RRBP1: variants seen among roughly 807,000 people sequenced by gnomAD.
RRBP1 encodes the protein ribosome binding protein 1.
RRBP1 carries 94 observed loss-of-function variants against 165.2 expected under a neutral mutation model. The observed-to-expected ratio is 0.57, with a 90% confidence interval of 0.48 to 0.68. The LOEUF is 0.68. RRBP1 is among the 30% of genes least tolerant of loss of function. The pLI, the probability that RRBP1 is intolerant of heterozygous loss-of-function variation, is 0.00. For missense variants in RRBP1, 1,676 were observed against 1,763.0 expected, an observed-to-expected ratio of 0.95 and a Z score of 0.88; for synonymous variants, 680 against 714.5, an observed-to-expected ratio of 0.95 and a Z score of 0.77.
intron 6 of RRBP1, 69 bp from the exon 7 acceptor site, chr20:17,635,733 G>T: frequency 8.6e-7 from 1 of 1,163,434 alleles, no homozygotes. Flanking sequence ...TCTGAGCAGT[G>T]GTTAGTGAAG....
chr20:17,622,024 T>C (rs1568755190), intron 13 of RRBP1, 77 bp from the exon 14 acceptor site: 5 of 1,069,524 alleles, frequency 4.7e-6, no homozygotes, highest in African/African-American at 1.5e-5. Flanking sequence ...TTTACTGATA[T>C]GCCCGGGTCT....
intron 13 of RRBP1, among the ~76,000 whole-genome samples, chr20:17,623,703 A>T (rs138965480): frequency 0.013 from 1,912 of 152,302 alleles, 36 homozygotes; most frequent in African/African-American, 0.043. Context: ...AGGCCAAGGC[A>T]GGCAGATCAC....
At chr20:17,668,974 G>A (rs1394785560) in intron 2 of RRBP1, among the ~76,000 whole-genome samples, 1 of 151,996 alleles carries the variant, frequency 6.6e-6, no homozygotes, top group Non-Finnish European at 1.5e-5. Context: ...GGAGAAGTGG[G>A]TTTCAGATCA....
At chr20:17,641,638 A>C in intron 5 of RRBP1, 159 bp downstream of exon 5, 1 of 880,946 alleles carries the variant, frequency 1.1e-6, no homozygotes, top group South Asian at 1.5e-5. Flanking sequence ...TTGGCTCTTT[A>C]GGCAGCAGAT....
At chr20:17,680,517 C>T (rs772121406) in intron 1 of RRBP1, among the ~76,000 whole-genome samples, 2 of 152,134 alleles carry the variant, frequency 1.3e-5, no homozygotes, top group African/African-American at 2.4e-5. Flanking sequence ...TTCCTTGGTG[C>T]TTCCCAGTCT....
chr20:17,636,126 T>C (rs1437553974), intron 6 of RRBP1, among the ~76,000 whole-genome samples: 1 of 152,244 alleles, frequency 6.6e-6, no homozygotes, highest in African/African-American at 2.4e-5. Context: ...AGACTTTGAC[T>C]ACAGGGCCAG....
intron 5 of RRBP1, chr20:17,641,459 C>A: frequency 3.3e-6 from 1 of 305,472 alleles, no homozygotes; most frequent in Non-Finnish European, 6.2e-6. Context: ...GAAAGCTGGC[C>A]TGTGACTGCA....
rs147394782 is a variant in RRBP1, at chr20:17,668,585, C to T, written c.-21-8057G>A. ...TATCAGGAGACTGTGTCTCCCTTGC[C>T]CAGGACAAAACAGATAAATTCTTAC... On this transcript the variant is annotated intron_variant, in intron 2 of 24. Coordinates refer to ENST00000377813, the MANE Select transcript of RRBP1 (RefSeq NM_001365613.2). Among the ~76,000 whole-genome samples, 713 of 152,278 alleles carry T rather than the reference C, an allele frequency of 4.7e-3. 5 individuals are homozygous for T. Among genetic ancestry groups the T allele is most frequent in the Non-Finnish European group, 7.1e-3 (481 of 68,026 alleles).
chr20:17,668,868 G>A (rs1031053074), intron 2 of RRBP1, among the ~76,000 whole-genome samples: 3 of 152,142 alleles, frequency 2.0e-5, no homozygotes, highest in Non-Finnish European at 4.4e-5. Flanking sequence ...CTGCAACCTT[G>A]GCTTATGAAC....
intron 13 of RRBP1, 135 bp downstream of exon 13, chr20:17,624,441 G>A: frequency 1.5e-6 from 1 of 662,814 alleles, no homozygotes; most frequent in Non-Finnish European, 2.7e-6. Flanking sequence ...CGTTCCTAGT[G>A]CCTCTGTATG....
chr20:17,618,558 G>C (rs780934026), intron 20 of RRBP1, 38 bp downstream of exon 20: 2 of 1,502,044 alleles, frequency 1.3e-6, no homozygotes, highest in South Asian at 1.1e-5. Context: ...CAACGCCCCA[G>C]GTCACACTCC....
intron 3 of RRBP1, among the ~76,000 whole-genome samples, chr20:17,645,915 G>A (rs957197045): frequency 6.6e-6 from 1 of 152,200 alleles, no homozygotes; most frequent in Non-Finnish European, 1.5e-5. Flanking sequence ...TGCCCATCTT[G>A]GTGGGTATGA....
At chr20:17,620,903 G>A (rs993703413) in intron 16 of RRBP1, 96 bp from the exon 17 acceptor site, 19 of 870,304 alleles carry the variant, frequency 2.2e-5, no homozygotes, top group Non-Finnish European at 3.2e-5. Context: ...GTGACCTGCC[G>A]TGCTCCGCCT....
At chr20:17,672,918 C>A (rs751782802) in intron 2 of RRBP1, among the ~76,000 whole-genome samples, 1 of 152,142 alleles carries the variant, frequency 6.6e-6, no homozygotes, top group African/African-American at 2.4e-5. Flanking sequence ...AGTTCAAACA[C>A]AAGCAAAATC....
chr20:17,649,790 G>A (rs971626378), intron 3 of RRBP1, among the ~76,000 whole-genome samples: 3 of 152,094 alleles, frequency 2.0e-5, no homozygotes, highest in Non-Finnish European at 4.4e-5. Context: ...TCCTATTGTA[G>A]GGGTAGAATG....
At chr20:17,647,946 A>G (rs1477533637) in intron 3 of RRBP1, among the ~76,000 whole-genome samples, 1 of 151,954 alleles carries the variant, frequency 6.6e-6, no homozygotes, top group African/African-American at 2.4e-5. Flanking sequence ...CCCGACCCAA[A>G]CTCAGGTCTG....
chr20:17,656,950 GTTCT>G (rs914488709), intron 3 of RRBP1, among the ~76,000 whole-genome samples: 1 of 152,108 alleles, frequency 6.6e-6, no homozygotes, highest in African/African-American at 2.4e-5. Flanking sequence ...CCCTAACAAG[GTTCT>G]TTATTACCTG....
chr20:17,615,013 G>T, intron 23 of RRBP1, 133 bp from the exon 24 acceptor site: 1 of 998,522 alleles, frequency 1.0e-6, no homozygotes. Context: ...TGGTCACCCG[G>T]AGATAGGTGG....
At chr20:17,641,728 C>T (rs912660585) in intron 5 of RRBP1, 69 bp downstream of exon 5, 13 of 1,584,992 alleles carry the variant, frequency 8.2e-6, no homozygotes, top group African/African-American at 6.7e-5. Context: ...CGGGATCCAC[C>T]GTGGATGGGG....
Sources: allele counts gnomAD v4.1 joint callset (sites outside exome capture counted in the v4.1 genomes callset), GRCh38; gene constraint gnomAD v4.1.1; transcripts MANE v1.5; gene names NCBI Gene and HGNC (gene_info 2026-07-23, HGNC 2026-07-21).